Variants in NHSL1 observed in about 807,000 individuals in gnomAD.
NHSL1 encodes NHS-like protein 1.
A neutral mutation model predicts 95.0 loss-of-function variants in NHSL1; 48 were observed. That is an observed-to-expected ratio of 0.51 (90% confidence interval 0.40 to 0.64). The LOEUF (loss-of-function observed/expected upper bound fraction) is 0.64, where lower values mean the gene tolerates loss of function less well. NHSL1 is among the 30% of genes least tolerant of loss of function. NHSL1 has a pLI of 0.00. For synonymous variants in NHSL1, 783 were observed against 833.9 expected (o/e 0.94, Z 1.05); for missense variants, 1,971 against 2,077.7 (o/e 0.95, Z 1.00).
intron 1 of NHSL1, among the ~76,000 whole-genome samples, chr6:138,633,098 C>T (rs1458834333): frequency 6.6e-6 from 1 of 151,914 alleles, no homozygotes; most frequent in Non-Finnish European, 1.5e-5. Context: ...AATAGCAGAA[C>T]TGATCAAGCA....
intron 1 of NHSL1, among the ~76,000 whole-genome samples, chr6:138,525,784 GA>G (rs533360487): frequency 2.1e-3 from 324 of 152,070 alleles, no homozygotes; most frequent in African/African-American, 7.4e-3. Context: ...AAGGCTTTTA[GA>G]AAAAAGAATT....
intron 2 of NHSL1, among the ~76,000 whole-genome samples, chr6:138,482,223 G>A (rs562168896): frequency 6.6e-5 from 10 of 152,260 alleles, no homozygotes; most frequent in East Asian, 3.9e-4. Context: ...CAAGGCGGGC[G>A]GATCACAAGG....
chr6:138,444,795 CTTCT>C (rs1776756530), intron 4 of NHSL1, among the ~76,000 whole-genome samples: 1 of 152,056 alleles, frequency 6.6e-6, no homozygotes. Context: ...AAATTTATTG[CTTCT>C]TTATGACAGA....
At chr6:138,501,192 G>A (rs1780655531), upstream of NHSL1, among the ~76,000 whole-genome samples, 1 of 152,214 alleles carries the variant, frequency 6.6e-6, no homozygotes, top group African/African-American at 2.4e-5. Context: ...TCCATAGCAT[G>A]TAGCTTTCCA....
intron 2 of NHSL1, among the ~76,000 whole-genome samples, chr6:138,482,788 C>G (rs1779506290): frequency 6.6e-6 from 1 of 152,150 alleles, no homozygotes; most frequent in Admixed American, 6.6e-5. Flanking sequence ...GGAATCCTAA[C>G]TTGTAGCTTG....
intron 1 of NHSL1, among the ~76,000 whole-genome samples, chr6:138,536,495 A>C (rs1412055494): frequency 1.3e-5 from 2 of 151,954 alleles, no homozygotes; most frequent in Non-Finnish European, 1.5e-5. Context: ...CATCAAACTA[A>C]TGTTTTGTAT....
chr6:138,436,627 C>A (rs1381224440), intron 5 of NHSL1, among the ~76,000 whole-genome samples: 1 of 152,204 alleles, frequency 6.6e-6, no homozygotes, highest in Non-Finnish European at 1.5e-5. Context: ...TGGCTATACT[C>A]GACAACAGGT....
chr6:138,474,575 G>A (rs1202932593), intron 2 of NHSL1, among the ~76,000 whole-genome samples: 1 of 152,066 alleles, frequency 6.6e-6, no homozygotes, highest in Non-Finnish European at 1.5e-5. Context: ...CAAAAATGAG[G>A]ATCTGTTAGA....
chr6:138,547,329 T>TAAA (rs11314239), upstream of NHSL1, among the ~76,000 whole-genome samples: 17 of 146,634 alleles, frequency 1.2e-4, no homozygotes, highest in Admixed American at 3.4e-4. Flanking sequence ...TAGTTAGGAT[T>TAAA]AAAAAAAAAA....
intron 1 of NHSL1, among the ~76,000 whole-genome samples, chr6:138,666,509 G>A (rs577412378): frequency 6.0e-5 from 9 of 149,806 alleles, no homozygotes; most frequent in South Asian, 2.1e-4. Context: ...GGAGAATGAC[G>A]TGAACCTGGG....
intron 1 of NHSL1, among the ~76,000 whole-genome samples, chr6:138,625,010 TTC>T (rs952734293): frequency 7.9e-5 from 12 of 152,188 alleles, no homozygotes; most frequent in Non-Finnish European, 2.9e-5. Context: ...GAGAGAGATA[TTC>T]TGTCTTAATA....
chr6:138,581,897 C>CT lies in NHSL1; in HGVS notation c.97-85527dup, dbSNP rs370719757. Among the ~76,000 whole-genome samples, 737 of 124,282 alleles carry CT rather than the reference C, an allele frequency of 5.9e-3. 6 individuals are homozygous for CT. The highest frequency in any genetic ancestry group is 0.029 in the East Asian group (124 of 4,230). The allele number at this position is 124,282 out of a possible 152,430, so 81.5% of individuals were successfully genotyped here. A position where few individuals can be genotyped will look rare whatever the true frequency, so the allele number is the denominator to read the frequency against. ...GATTTTGAGGTTCTACTTTTTCTTTCTTTTTTTTTTTTTTTTTTGAGTCAG... is the reference window on the plus strand; with the variant it reads ...GATTTTGAGGTTCTACTTTTTCTTTCTTTTTTTTTTTTTTTTTTTGAGTCAG... On this transcript the variant is annotated intron_variant, in intron 1 of 3. Coordinates refer to the NHSL1 transcript ENST00000491526.
At chr6:138,607,106 CTGTT>C (rs1414120002) in intron 1 of NHSL1, among the ~76,000 whole-genome samples, 2 of 152,204 alleles carry the variant, frequency 1.3e-5, no homozygotes, top group African/African-American at 4.8e-5. Flanking sequence ...ATGCTCCACA[CTGTT>C]TGGGAATTAT....
intron 1 of NHSL1, chr6:138,650,916 C>A (rs1221894930): frequency 4.3e-5 from 23 of 539,396 alleles, no homozygotes; most frequent in African/African-American, 3.8e-5. Flanking sequence ...TCCACTTGCA[C>A]AATGTATTTG....
chr6:138,437,444 AC>A (rs57326496), intron 5 of NHSL1, among the ~76,000 whole-genome samples: 11,958 of 44,696 alleles, frequency 0.27, 3,002 homozygotes, highest in Non-Finnish European at 0.33. Context: ...ACACACACAC[AC>A]AAAAAAAAAA....
intron 1 of NHSL1, among the ~76,000 whole-genome samples, chr6:138,583,993 C>A (rs1018909575): frequency 2.2e-4 from 33 of 152,124 alleles, no homozygotes; most frequent in African/African-American, 6.5e-4. Flanking sequence ...GTGGTGCTCG[C>A]CTATAGTCCC....
At chr6:138,583,173 T>C (rs1265893892) in intron 1 of NHSL1, among the ~76,000 whole-genome samples, 1 of 152,140 alleles carries the variant, frequency 6.6e-6, no homozygotes, top group African/African-American at 2.4e-5. Context: ...TCCCTTCCCC[T>C]CCTAGGACTA....
chr6:138,490,868 G>A (rs188040407), intron 2 of NHSL1, among the ~76,000 whole-genome samples: 147 of 152,298 alleles, frequency 9.7e-4, no homozygotes, highest in African/African-American at 3.2e-3. Context: ...TCCTGACCTC[G>A]TGATCCGCCC....
rs200982997 is a variant in NHSL1, at chr6:138,431,957, C to T, written c.2388G>A (p.Pro796=). Residue 796 remains proline, a synonymous_variant, in exon 6 of 8, where the codon CCG becomes CCA. Transcript: ENST00000343505. The surrounding 1 kb of genome is among the most constrained non-coding windows in gnomAD (Gnocchi z 4.0). ...YTGMQEDPGN[P]AGGCSTSSGV... is the part of the protein sequence containing the mutation. Reference sequence around the variant, plus strand: ...CACTGCTGGTTGAACAGCCCCCTGCCGGGTTCCCCGGATCTTCCTGCATGC... The same window carrying T: ...CACTGCTGGTTGAACAGCCCCCTGCTGGGTTCCCCGGATCTTCCTGCATGC... 3.0e-5 allele frequency: 46 copies of T among 1,551,638 alleles called. No homozygotes were observed. In the Middle Eastern group the frequency reaches 1.0e-3, roughly 34 times the overall value.
Sources: allele counts gnomAD v4.1 joint callset (sites outside exome capture counted in the v4.1 genomes callset), GRCh38; gene constraint gnomAD v4.1.1; non-coding constraint Gnocchi (gnomAD v3.1); transcripts MANE v1.5; gene names NCBI Gene and HGNC (gene_info 2026-07-23, HGNC 2026-07-21).